Variants in FPGS observed in about 807,000 individuals in gnomAD.
The protein encoded by FPGS is folylpolyglutamate synthase, also known as folylpolyglutamate synthase, mitochondrial.
Under a neutral mutation model 66.5 loss-of-function variants are expected in FPGS, and 53 were observed. That is an observed-to-expected ratio of 0.80 (90% CI 0.64 to 1.00). The LOEUF (loss-of-function observed/expected upper bound fraction) is 1.00. FPGS is among the 50% of genes least tolerant of loss of function. The probability of loss-of-function intolerance (pLI) is 0.00; values close to 1 mark genes in which losing one functional copy is unlikely to be tolerated. For missense variants in FPGS, 702 were observed against 807.7 expected, an observed-to-expected ratio of 0.87 and a Z score of 1.59; for synonymous variants, 348 against 350.9, an observed-to-expected ratio of 0.99 and a Z score of 0.09.
chr9:127,810,870 G>A, intron 13 of FPGS, 75 bp from the exon 14 acceptor site: 1 of 746,418 alleles, frequency 1.3e-6, no homozygotes, highest in Non-Finnish European at 2.3e-6. Context: ...AGAGATGTGG[G>A]CGCAGGGGGC....
intron 4 of FPGS, 100 bp downstream of exon 4, chr9:127,804,800 C>A: frequency 1.9e-6 from 2 of 1,059,532 alleles, no homozygotes; most frequent in Non-Finnish European, 3.0e-6. Context: ...CCCAGGAGGT[C>A]AGCTGCATGT....
chr9:127,808,642 C>A lies in FPGS; in HGVS notation c.907C>A (p.Arg303=). 6.2e-7 allele frequency: 1 copy of A among 1,609,450 alleles called. No homozygotes were observed. The highest frequency in any genetic ancestry group is 1.7e-4 in the Middle Eastern group (1 of 6,042). Reference sequence around the variant, plus strand: ...CCTGGGCCTGGAGGGGGAGCACCAGCGGTCCAACGCCGCCTTGGCCTTGCA... The same window carrying A: ...CCTGGGCCTGGAGGGGGAGCACCAGAGGTCCAACGCCGCCTTGGCCTTGCA... ...LTLGLEGEHQ[R]SNAALALQLA... The change falls in exon 10 of 15, where the codon CGG becomes AGG. Residue 303 remains arginine (R), a synonymous_variant. Transcript: ENST00000373247.
Position 127,807,561 on chromosome 9 carries a change from C to T in FPGS, c.642-25C>T, listed in dbSNP as rs1370342101. The T allele has an allele frequency of 1.9e-6, 3 of 1,612,280 alleles. No individual in the cohort carries two copies. The highest frequency in any genetic ancestry group is 2.2e-5 in the East Asian group (1 of 44,886). On this transcript the variant is annotated intron_variant, in intron 7 of 14. Coordinates refer to ENST00000373247, the MANE Select transcript of FPGS (RefSeq NM_004957.6). The surrounding 1 kb of genome is among the most constrained non-coding windows in gnomAD (Gnocchi z 5.8). The stretch of plus-strand genomic sequence containing the variant: ...GCCGCCTGGTGGCTCAGGGCAGGGC[C>T]TCATGGCCTTTTCCTCCCCTGCAGG...
intron 11 of FPGS, among the ~76,000 whole-genome samples, 164 bp from the exon 12 acceptor site, chr9:127,809,520 C>G (rs1480140267): frequency 2.0e-5 from 3 of 152,140 alleles, no homozygotes; most frequent in Admixed American, 2.0e-4. Flanking sequence ...GCCGAAAAGC[C>G]CAAGCCATTG....
In FPGS at chr9:127,808,709, A is replaced by G. The variant is rs1207430674; in HGVS notation, c.970+4A>G. 1 of 1,580,732 alleles carries G rather than the reference A, an allele frequency of 6.3e-7. No homozygotes were observed. The highest frequency in any genetic ancestry group is 1.3e-5 in the African/African-American group (1 of 74,280). On this transcript the variant is annotated splice_donor_region_variant and intron_variant, in intron 10 of 14. Coordinates refer to ENST00000373247, the MANE Select transcript of FPGS (RefSeq NM_004957.6). ...CTGCAGCGGCAGGACCGCCATGGTG[A>G]GTGGGCAGCTGAGTGGGCAGGCAGG...
intron 9 of FPGS, 65 bp downstream of exon 9, chr9:127,808,376 T>C: frequency 1.3e-6 from 2 of 1,506,170 alleles, no homozygotes; most frequent in Non-Finnish European, 1.8e-6. Context: ...GAGGAGGCAC[T>C]GCATCCTCTG....
chr9:127,812,463 C>T (rs531497384), intron 14 of FPGS, among the ~76,000 whole-genome samples: 3 of 151,532 alleles, frequency 2.0e-5, no homozygotes, highest in Admixed American at 6.6e-5. Flanking sequence ...CGTGAGTAGC[C>T]GGGACTACAG....
rs1290221021 is a variant in FPGS, at chr9:127,807,522, G to A, written c.641+40G>A. Reference sequence around the variant, plus strand: ...TTGGGACGAGGGGTGGCAGCCAGGAGCACAGCCTCACCTGCCGCCTGGTGG... The same window carrying A: ...TTGGGACGAGGGGTGGCAGCCAGGAACACAGCCTCACCTGCCGCCTGGTGG... On this transcript the variant is annotated intron_variant, in intron 7 of 14. Transcript: ENST00000373247. The surrounding 1 kb of genome is among the most constrained non-coding windows in gnomAD (Gnocchi z 5.8). 3 of 1,613,000 alleles carry A rather than the reference G, an allele frequency of 1.9e-6. No homozygotes were observed. Among genetic ancestry groups the A allele is most frequent in the Non-Finnish European group, 2.5e-6 (3 of 1,179,330 alleles).
chr9:127,806,420 C>T (rs142377300), intron 4 of FPGS: 3,850 of 155,158 alleles, frequency 0.025, 161 homozygotes, highest in African/African-American at 0.088. Context: ...GCATGAGAAA[C>T]GCTTGAACCT....
intron 13 of FPGS, among the ~76,000 whole-genome samples, chr9:127,810,635 A>G (rs981543411): frequency 1.3e-5 from 2 of 152,026 alleles, no homozygotes; most frequent in African/African-American, 4.8e-5. Flanking sequence ...ATTTACCCAC[A>G]GCCTTTTTCC....
intron 1 of FPGS, 180 bp downstream of exon 1, chr9:127,803,242 G>A: frequency 8.0e-7 from 1 of 1,247,180 alleles, no homozygotes; most frequent in Non-Finnish European, 1.0e-6. Context: ...AGTTGGGCCC[G>A]GGCCGCCGGG....
At chr9:127,809,528 T>C (rs1372576196) in intron 11 of FPGS, among the ~76,000 whole-genome samples, 156 bp from the exon 12 acceptor site, 1 of 152,150 alleles carries the variant, frequency 6.6e-6, no homozygotes, top group East Asian at 1.9e-4. Context: ...GCCCAAGCCA[T>C]TGACTGGTGC....
At position 127,810,043 on chromosome 9, in the gene FPGS, T is replaced by G. The variant is rs539718885; in HGVS notation, c.1224T>G (p.Val408=). The G allele has an allele frequency of 6.2e-7, 1 of 1,612,238 alleles. No individual in the cohort carries two copies. Among genetic ancestry groups the G allele is most frequent in the South Asian group, 1.1e-5 (1 of 90,842 alleles). The change falls in exon 13 of 15, where the codon GTT becomes GTG. Residue 408 remains valine, a synonymous_variant. Coordinates refer to ENST00000373247, the MANE Select transcript of FPGS (RefSeq NM_004957.6). ...ACCTCTGTCGCAGTGGCCCCGAGGT[T>G]CGAGTCTTGCTCTTCAATGCTACCG... ...GRERPSGGPE[V]RVLLFNATGD...
At position 127,807,574 on chromosome 9, in the gene FPGS, C is replaced by T; in HGVS notation, c.642-12C>T. Reference sequence around the variant, plus strand: ...TCAGGGCAGGGCCTCATGGCCTTTTCCTCCCCTGCAGGAAGCCTGTGGTGT... The same window carrying T: ...TCAGGGCAGGGCCTCATGGCCTTTTTCTCCCCTGCAGGAAGCCTGTGGTGT... On this transcript the variant is annotated splice_polypyrimidine_tract_variant and intron_variant, in intron 7 of 14. Transcript: ENST00000373247. The surrounding 1 kb of genome is among the most constrained non-coding windows in gnomAD (Gnocchi z 5.8). 6.2e-7 allele frequency: 1 copy of T among 1,613,222 alleles called. No individual in the cohort carries two copies.
intron 14 of FPGS, among the ~76,000 whole-genome samples, chr9:127,811,646 C>T (rs1464239338): frequency 2.0e-5 from 3 of 152,040 alleles, no homozygotes; most frequent in African/African-American, 7.2e-5. Flanking sequence ...CCAACATGCC[C>T]AGCTAAGTTT....
Position 127,809,849 on chromosome 9 carries a change from T to A in FPGS, c.1211+15T>A. Reference sequence around the variant, plus strand: ...AGGCCGAGCGGGTGAGGGGCAGGGCTGGGGGTGGGGCCGGGGCTGGCCCAC... The same window carrying A: ...AGGCCGAGCGGGTGAGGGGCAGGGCAGGGGGTGGGGCCGGGGCTGGCCCAC... On this transcript the variant is annotated intron_variant, in intron 12 of 14. Coordinates refer to ENST00000373247, the MANE Select transcript of FPGS (RefSeq NM_004957.6). 1.1e-6 allele frequency: 1 copy of A among 873,078 alleles called. No individual in the cohort carries two copies. The highest frequency in any genetic ancestry group is 1.6e-6 in the Non-Finnish European group (1 of 632,754). 54.1% of individuals were successfully genotyped at this position (873,078 alleles called of 1,614,324 possible). A position where few individuals can be genotyped will look rare whatever the true frequency, so the allele number is the denominator to read the frequency against.
Position 127,810,053 on chromosome 9 carries a change from C to T in FPGS, c.1234C>T (p.Leu412Phe). The T allele has an allele frequency of 6.2e-7, 1 of 1,612,952 alleles. No individual in the cohort carries two copies. Among genetic ancestry groups the T allele is most frequent in the Non-Finnish European group, 8.5e-7 (1 of 1,179,752 alleles). ...PSGGPEVRVL[L>F]FNATGDRDPA... is the part of the protein sequence containing the mutation. ...CAGTGGCCCCGAGGTTCGAGTCTTG[C>T]TCTTCAATGCTACCGGGGACCGGGA... The change falls in exon 13 of 15, where the codon CTC becomes TTC. Residue 412 changes from leucine (L) to phenylalanine (F), a missense_variant. Around this residue, in one of 3 missense-constraint regions of FPGS, gnomAD observed 351 missense variants for 363.7 expected, o/e 0.97. Transcript: ENST00000373247.
intron 1 of FPGS, among the ~76,000 whole-genome samples, chr9:127,803,593 G>A (rs1829693247): frequency 6.6e-6 from 1 of 152,172 alleles, no homozygotes; most frequent in African/African-American, 2.4e-5. Context: ...TCAAGAGCCG[G>A]TTGCCCTAGA....
intron 11 of FPGS, 52 bp from the exon 12 acceptor site, chr9:127,809,632 G>C: frequency 6.6e-7 from 1 of 1,519,000 alleles, no homozygotes; most frequent in Non-Finnish European, 8.8e-7. Flanking sequence ...GTGCGGAATT[G>C]AGGACGGGGG....
Sources: allele counts gnomAD v4.1 joint callset (sites outside exome capture counted in the v4.1 genomes callset), GRCh38; gene constraint gnomAD v4.1.1; regional missense constraint gnomAD v4.1.1; non-coding constraint Gnocchi (gnomAD v3.1); transcripts MANE v1.5; gene names NCBI Gene and HGNC (gene_info 2026-07-23, HGNC 2026-07-21).